The following COQ9 variants were observed in gnomAD, a reference collection of about 807,000 sequenced individuals.
The protein encoded by COQ9 is coenzyme Q9.
Under a neutral mutation model 42.4 loss-of-function variants are expected in COQ9, and 35 were observed. The ratio of observed to expected loss-of-function variants is 0.83; its 90% CI spans 0.63 to 1.10. The LOEUF is 1.10. Among genes scored for constraint, COQ9 ranks in the 50% least tolerant of loss-of-function variants. The pLI, the probability that COQ9 is intolerant of heterozygous loss-of-function variation, is 0.00. For synonymous variants in COQ9, 155 were observed against 155.1 expected, an observed-to-expected ratio of 1.00 and a Z score of 0.00; for missense variants, 406 against 414.6, an observed-to-expected ratio of 0.98 and a Z score of 0.18.
intron 3 of COQ9, among the ~76,000 whole-genome samples, chr16:57,455,397 T>TTATATATATATATATA (rs147294926): frequency 4.2e-5 from 6 of 142,860 alleles, no homozygotes; most frequent in African/African-American, 1.3e-4. Context: ...CACGCTGATT[T>TTATATATATATATATA]TATATATATA....
chr16:57,449,474 G>A (rs548346069), intron 1 of COQ9, among the ~76,000 whole-genome samples: 2 of 152,144 alleles, frequency 1.3e-5, no homozygotes, highest in South Asian at 4.2e-4. Flanking sequence ...ATAAAAATAT[G>A]GATCAATCTC....
At chr16:57,457,796 C>G (rs2030438596) in intron 5 of COQ9, among the ~76,000 whole-genome samples, 1 of 152,176 alleles carries the variant, frequency 6.6e-6, no homozygotes, top group Non-Finnish European at 1.5e-5. Context: ...TAAGAGAAAA[C>G]CTTACAGCCA....
intron 1 of COQ9, chr16:57,450,821 T>C (rs2146585723): frequency 1.6e-6 from 1 of 621,732 alleles, no homozygotes; most frequent in East Asian, 2.8e-5. Flanking sequence ...CAGGTCAAGA[T>C]GCTAGGTAGA....
At chr16:57,457,093 C>T in intron 5 of COQ9, 78 bp downstream of exon 5, 2 of 1,077,652 alleles carry the variant, frequency 1.9e-6, no homozygotes, top group Middle Eastern at 2.0e-4. Flanking sequence ...ACTCAGATGA[C>T]TTTGTACACT....
intron 1 of COQ9, among the ~76,000 whole-genome samples, chr16:57,449,862 G>A (rs1351773792): frequency 2.6e-5 from 4 of 152,168 alleles, no homozygotes; most frequent in African/African-American, 9.7e-5. Flanking sequence ...GGTTGTGCAA[G>A]TGTATACATT....
chr16:57,447,708 CGGCGCG>C (rs1336976065), intron 1 of COQ9, 130 bp downstream of exon 1: 1 of 800,780 alleles, frequency 1.2e-6, no homozygotes, highest in African/African-American at 1.8e-5. Flanking sequence ...TGAAGGGCAT[CGGCGCG>C]GGCTCGGGCG....
intron 1 of COQ9, among the ~76,000 whole-genome samples, chr16:57,449,373 C>T (rs1312158136): frequency 1.3e-5 from 2 of 152,050 alleles, no homozygotes; most frequent in Non-Finnish European, 2.9e-5. Context: ...TCTTTATAGG[C>T]CAAGGTTGAG....
chr16:57,458,505 A>G lies in COQ9; in HGVS notation c.711+155A>G, dbSNP rs543835644. ...ATGAGGAAGGTCCGTCAAGAAGCCA[A>G]AGTGGGATCTAGGTCATCTTCATTC... On this transcript the variant is annotated intron_variant, in intron 6 of 8. Coordinates refer to ENST00000262507, the MANE Select transcript of COQ9 (RefSeq NM_020312.4). 3.3e-5 allele frequency among the ~76,000 whole-genome samples: 5 copies of G among 152,332 alleles called. No individual in the cohort carries two copies. The South Asian group carries it at 8.3e-4, about 25-fold the overall frequency.
chr16:57,450,728 T>G, intron 1 of COQ9: 1 of 426,548 alleles, frequency 2.3e-6, no homozygotes. Flanking sequence ...AAGTAGAGAT[T>G]ATTACTCTAA....
At chr16:57,453,045 C>G in intron 3 of COQ9, 109 bp downstream of exon 3, 1 of 1,428,726 alleles carries the variant, frequency 7.0e-7, no homozygotes, top group Non-Finnish European at 9.8e-7. Flanking sequence ...CAGAGCCCCT[C>G]ACAGCTGCAA....
chr16:57,450,587 A>G (rs985248646), intron 1 of COQ9, among the ~76,000 whole-genome samples: 1 of 152,210 alleles, frequency 6.6e-6, no homozygotes, highest in African/African-American at 2.4e-5. Flanking sequence ...AAGATACCAT[A>G]TAAACACTGG....
At chr16:57,456,215 A>C (rs1456278353) in intron 3 of COQ9, among the ~76,000 whole-genome samples, 2 of 152,184 alleles carry the variant, frequency 1.3e-5, no homozygotes, top group East Asian at 3.8e-4. Flanking sequence ...AGTTGGAGAA[A>C]GCAGCTGCAG....
chr16:57,457,218 G>C (rs1302612938), intron 5 of COQ9: 1 of 662,110 alleles, frequency 1.5e-6, no homozygotes, highest in Non-Finnish European at 2.8e-6. Context: ...CTGTGTCTCA[G>C]TTCTTGGAAA....
At chr16:57,460,285 T>C (rs1324179478) in intron 8 of COQ9, among the ~76,000 whole-genome samples, 181 bp downstream of exon 8, 1 of 152,208 alleles carries the variant, frequency 6.6e-6, no homozygotes, top group African/African-American at 2.4e-5. Context: ...TATTTTTTCC[T>C]GTCATCAGGA....
At chr16:57,460,500 AAG>A (rs537764312) in intron 8 of COQ9, 87 bp from the exon 9 acceptor site, 14 of 1,330,088 alleles carry the variant, frequency 1.1e-5, no homozygotes, top group Non-Finnish European at 1.5e-5. Flanking sequence ...GAAAAAAAAA[AAG>A]AGAAAAAGAA....
chr16:57,455,290 G>C (rs1259453958), intron 3 of COQ9, among the ~76,000 whole-genome samples: 1 of 151,576 alleles, frequency 6.6e-6, no homozygotes, highest in Non-Finnish European at 1.5e-5. Context: ...GAGTCAACCA[G>C]TGGAGGCATC....
intron 2 of COQ9, among the ~76,000 whole-genome samples, chr16:57,451,650 A>G (rs1471606817): frequency 6.6e-6 from 1 of 152,234 alleles, no homozygotes; most frequent in Non-Finnish European, 1.5e-5. Context: ...AGCTTATTTC[A>G]TATGTAAATT....
At chr16:57,450,827 G>A (rs1019249982) in intron 1 of COQ9, 18 of 631,338 alleles carry the variant, frequency 2.9e-5, no homozygotes, top group African/African-American at 3.6e-5. Flanking sequence ...AAGATGCTAG[G>A]TAGATCATTT....
At chr16:57,451,750 C>CAAA (rs1446134502) in intron 2 of COQ9, among the ~76,000 whole-genome samples, 2 of 152,176 alleles carry the variant, frequency 1.3e-5, no homozygotes, top group African/African-American at 4.8e-5. Flanking sequence ...AATGTCTTTT[C>CAAA]ATAGCTTAAT....
Sources: gnomAD v4.1 joint callset for allele counts (sites outside exome capture counted in the v4.1 genomes callset) on GRCh38, gnomAD v4.1.1 for gene constraint, MANE v1.5 for transcripts, NCBI Gene and HGNC (gene_info 2026-07-23, HGNC 2026-07-21) for gene names.